RORA: variants seen among roughly 807,000 people sequenced by gnomAD.
The protein encoded by RORA is RAR related orphan receptor A.
In RORA, 7 loss-of-function variants were observed where a neutral mutation model predicts 69.5. That is an observed-to-expected ratio of 0.10 (90% confidence interval 0.06 to 0.19). The LOEUF is 0.19. Among genes scored for constraint, RORA ranks in the 10% least tolerant of loss-of-function variants. RORA has a pLI of 1.00. For missense variants in RORA, 457 were observed against 663.0 expected (o/e 0.69, Z 3.41); for synonymous variants, 261 against 240.8 (o/e 1.08, Z -0.78).
chr15:61,123,372 G>A (rs1173373363), intron 1 of RORA, among the ~76,000 whole-genome samples: 1 of 152,122 alleles, frequency 6.6e-6, no homozygotes, highest in Non-Finnish European at 1.5e-5. Flanking sequence ...AGCAGCTAAA[G>A]CTTGCAAATA....
At chr15:60,621,689 T>C (rs551950303) in intron 2 of RORA, among the ~76,000 whole-genome samples, 15 of 152,322 alleles carry the variant, frequency 9.8e-5, no homozygotes, top group African/African-American at 3.4e-4. Flanking sequence ...TCCCTGATTA[T>C]GATCATTGTA....
Position 61,110,004 on chromosome 15 carries a change from T to C in RORA, c.166+119049A>G, listed in dbSNP as rs77902780. 5.1e-3 allele frequency among the ~76,000 whole-genome samples: 781 copies of C among 152,110 alleles called. 5 individuals carry two copies. The highest frequency in any genetic ancestry group is 0.02 in the Middle Eastern group (6 of 294). The stretch of plus-strand genomic sequence containing the variant: ...ATGAAACTAACAAATTCCTATTGCC[T>C]AGTGATGTAGCCATCAAAATGTCTT... On this transcript the variant is annotated intron_variant, in intron 1 of 10. Coordinates refer to ENST00000335670, the MANE Select transcript of RORA (RefSeq NM_134261.3).
chr15:60,845,370 G>C (rs1421694161), intron 1 of RORA, among the ~76,000 whole-genome samples: 2 of 152,166 alleles, frequency 1.3e-5, no homozygotes, highest in Non-Finnish European at 2.9e-5. Flanking sequence ...TCTCCTCTCT[G>C]AAGCTCTGCT....
chr15:61,039,416 C>A (rs58757990), intron 1 of RORA, among the ~76,000 whole-genome samples: 1 of 151,956 alleles, frequency 6.6e-6, no homozygotes, highest in African/African-American at 2.4e-5. Context: ...TTGTCCATTT[C>A]TCAGAGACAG....
chr15:60,518,401 ACTTGTAGTAACCATAT>A (rs2066038213), intron 3 of RORA, among the ~76,000 whole-genome samples: 1 of 152,244 alleles, frequency 6.6e-6, no homozygotes, highest in Admixed American at 6.5e-5. Flanking sequence ...CTTACTGAGT[ACTTGTAGTAACCATAT>A]CTTTTTATTC....
intron 1 of RORA, among the ~76,000 whole-genome samples, chr15:61,088,923 C>G (rs1443476627): frequency 1.3e-5 from 2 of 152,196 alleles, no homozygotes; most frequent in African/African-American, 4.8e-5. Context: ...GTGAGAAACA[C>G]TGCTAGGGAG....
rs1280461899 is a variant in RORA at position 60,492,049 on chromosome 15, T to C, written c.*5406A>G. 1 of 151,730 alleles carries C rather than the reference T, an allele frequency of 6.6e-6. No individual in the cohort carries two copies. The highest frequency in any genetic ancestry group is 2.4e-5 in the African/African-American group (1 of 41,032). The allele number at this position is 151,730 out of a possible 1,614,324, so 9.4% of individuals were successfully genotyped here. On this transcript the variant is annotated 3_prime_UTR_variant, in exon 11 of 11. Transcript: ENST00000335670. ...CAACGTGTGTGTGTATACACACATA[T>C]ACAAATACACATAGAGAGGAGAGAT...
chr15:60,782,316 G>A (rs1409089486), intron 1 of RORA, among the ~76,000 whole-genome samples: 1 of 152,118 alleles, frequency 6.6e-6, no homozygotes, highest in Non-Finnish European at 1.5e-5. Context: ...CACAAATACA[G>A]CTAAGGAAGT....
At chr15:60,685,940 G>A (rs144679669) in intron 1 of RORA, among the ~76,000 whole-genome samples, 3 of 151,994 alleles carry the variant, frequency 2.0e-5, no homozygotes, top group Admixed American at 6.6e-5. Flanking sequence ...GAGCTGTTTC[G>A]GCAATAATAT....
intron 1 of RORA, among the ~76,000 whole-genome samples, chr15:60,922,078 C>T (rs1892065197): frequency 6.6e-6 from 1 of 152,120 alleles, no homozygotes; most frequent in Non-Finnish European, 1.5e-5. Flanking sequence ...CAGATATATG[C>T]TTGTTTTTGC....
chr15:60,860,808 C>T (rs1247359690), intron 1 of RORA, among the ~76,000 whole-genome samples: 2 of 152,190 alleles, frequency 1.3e-5, no homozygotes, highest in Non-Finnish European at 2.9e-5. Context: ...GGGAAGTGTG[C>T]TAGGGTAATG....
Position 60,893,943 on chromosome 15 carries a change from C to T in RORA, c.167-215257G>A, listed in dbSNP as rs114224630. Among the ~76,000 whole-genome samples the T allele has an allele frequency of 6.5e-3, 997 of 152,264 alleles. 10 individuals are homozygous for T. Among genetic ancestry groups the T allele is most frequent in the African/African-American group, 0.023 (941 of 41,546 alleles). On this transcript the variant is annotated intron_variant, in intron 1 of 10. Transcript: ENST00000335670. ...ACCCAAACCCAGACCTCTCAAGTCCCCCGTCTGGGCCCCTTCATCTTCTTC... is the reference window on the plus strand; with the variant it reads ...ACCCAAACCCAGACCTCTCAAGTCCTCCGTCTGGGCCCCTTCATCTTCTTC...
chr15:60,586,848 G>A (rs2068349191), intron 2 of RORA, among the ~76,000 whole-genome samples: 1 of 152,124 alleles, frequency 6.6e-6, no homozygotes, highest in Non-Finnish European at 1.5e-5. Flanking sequence ...CAGTCATTAA[G>A]GCCATTCCCC....
intron 3 of RORA, among the ~76,000 whole-genome samples, chr15:60,516,859 C>T (rs1399220404): frequency 2.6e-5 from 4 of 152,048 alleles, no homozygotes. Flanking sequence ...ATTGTATACT[C>T]ATACAATGGG....
chr15:60,766,105 T>A (rs1260964462), intron 1 of RORA, among the ~76,000 whole-genome samples: 1 of 152,184 alleles, frequency 6.6e-6, no homozygotes, highest in Non-Finnish European at 1.5e-5. Context: ...TGATATTATC[T>A]GGGCAGGAGT....
chr15:60,882,570 A>G (rs945528182), intron 1 of RORA, among the ~76,000 whole-genome samples: 1 of 151,892 alleles, frequency 6.6e-6, no homozygotes, highest in African/African-American at 2.4e-5. Flanking sequence ...CAGGTTAGGT[A>G]GTGCTATATA....
intron 1 of RORA, among the ~76,000 whole-genome samples, chr15:60,958,566 A>G (rs934432840): frequency 8.5e-5 from 13 of 152,158 alleles, no homozygotes; most frequent in Non-Finnish European, 2.9e-5. Context: ...CTGGAATTTT[A>G]TCCCTGTTTT....
At chr15:60,550,041 C>G (rs1462519893) in intron 2 of RORA, among the ~76,000 whole-genome samples, 1 of 152,128 alleles carries the variant, frequency 6.6e-6, no homozygotes, top group African/African-American at 2.4e-5. Flanking sequence ...GCCTGTAATC[C>G]CAGCACTTTG....
chr15:60,625,126 C>G (rs2069540155), intron 2 of RORA, among the ~76,000 whole-genome samples: 1 of 152,090 alleles, frequency 6.6e-6, no homozygotes, highest in Admixed American at 6.6e-5. Flanking sequence ...CAACCAAGCT[C>G]CAATGGAGAG....
Sources: gnomAD v4.1 joint callset for allele counts (sites outside exome capture counted in the v4.1 genomes callset) on GRCh38, gnomAD v4.1.1 for gene constraint, MANE v1.5 for transcripts, NCBI Gene and HGNC (gene_info 2026-07-23, HGNC 2026-07-21) for gene names.